ALCAM: variants seen among roughly 807,000 people sequenced by gnomAD.
The protein encoded by ALCAM is CD166 antigen.
A neutral mutation model predicts 70.9 loss-of-function variants in ALCAM; 30 were observed. The observed-to-expected ratio is 0.42, with a 90% CI of 0.32 to 0.57. ALCAM has a LOEUF of 0.57. ALCAM is among the 20% of genes least tolerant of loss of function. ALCAM has a pLI of 0.11. For synonymous variants in ALCAM, 249 were observed against 242.5 expected (o/e 1.03, Z -0.25); for missense variants, 591 against 695.1 (o/e 0.85, Z 1.68).
chr3:105,537,719 C>T (rs1469746624), intron 6 of ALCAM, among the ~76,000 whole-genome samples: 14 of 152,080 alleles, frequency 9.2e-5, no homozygotes, highest in African/African-American at 3.4e-4. Context: ...ATGATGGCTA[C>T]CAGGATCCCT....
At chr3:105,509,722 G>C (rs1217838287) in intron 1 of ALCAM, among the ~76,000 whole-genome samples, 2 of 151,774 alleles carry the variant, frequency 1.3e-5, no homozygotes, top group African/African-American at 4.8e-5. Context: ...AAGCTTTTTA[G>C]TTTAATATAG....
chr3:105,451,643 T>C (rs1937431547), intron 1 of ALCAM, among the ~76,000 whole-genome samples: 1 of 151,474 alleles, frequency 6.6e-6, no homozygotes, highest in Non-Finnish European at 1.5e-5. Flanking sequence ...TGCTAAGAGG[T>C]TCAATTTGTT....
chr3:105,509,000 G>T (rs1440484597), intron 1 of ALCAM, among the ~76,000 whole-genome samples: 3 of 152,038 alleles, frequency 2.0e-5, no homozygotes, highest in Non-Finnish European at 4.4e-5. Context: ...ATTTCAATTA[G>T]CATAATGTTC....
At position 105,387,462 on chromosome 3, in the gene ALCAM, G is replaced by A. The variant is rs572864587; in HGVS notation, c.73+19981G>A. 2.6e-5 allele frequency among the ~76,000 whole-genome samples: 4 copies of A among 151,462 alleles called. No individual in the cohort carries two copies. The South Asian group carries it at 8.3e-4, about 31-fold the overall frequency. On this transcript the variant is annotated intron_variant, in intron 1 of 15. Coordinates refer to ENST00000306107, the MANE Select transcript of ALCAM (RefSeq NM_001627.4). ...CATTGATTCTCACAGCAGAACCTGT[G>A]TGTACTTGTTCACTACATACCTACA... is the stretch of plus-strand genomic sequence containing the variant.
intron 1 of ALCAM, among the ~76,000 whole-genome samples, chr3:105,488,896 C>T (rs1938506036): frequency 1.3e-5 from 2 of 152,130 alleles, no homozygotes; most frequent in Middle Eastern, 3.2e-3. Flanking sequence ...TAGATTGAAC[C>T]TGGATGATTT....
chr3:105,449,047 A>C (rs930154707), intron 1 of ALCAM, among the ~76,000 whole-genome samples: 1 of 152,224 alleles, frequency 6.6e-6, no homozygotes, highest in Admixed American at 6.5e-5. Flanking sequence ...CTGTGAAGTG[A>C]CCATCTTCTC....
At chr3:105,431,291 T>C (rs1936926681) in intron 1 of ALCAM, among the ~76,000 whole-genome samples, 1 of 152,102 alleles carries the variant, frequency 6.6e-6, no homozygotes, top group Non-Finnish European at 1.5e-5. Context: ...CTGGGTTAAG[T>C]TTGGCTGACT....
chr3:105,431,228 G>A (rs1335398149), intron 1 of ALCAM, among the ~76,000 whole-genome samples: 1 of 151,970 alleles, frequency 6.6e-6, no homozygotes, highest in African/African-American at 2.4e-5. Context: ...AAACTCAGCA[G>A]CAGACAACAA....
At chr3:105,567,403 C>T (rs1363738243) in intron 14 of ALCAM, among the ~76,000 whole-genome samples, 1 of 151,932 alleles carries the variant, frequency 6.6e-6, no homozygotes, top group African/African-American at 2.4e-5. Context: ...TGCTCACTAT[C>T]ATCTCACAGG....
At chr3:105,454,269 T>G (rs1937501452) in intron 1 of ALCAM, among the ~76,000 whole-genome samples, 1 of 152,216 alleles carries the variant, frequency 6.6e-6, no homozygotes, top group Non-Finnish European at 1.5e-5. Flanking sequence ...TTGCACAAAA[T>G]TATCCAAAAG....
rs199668650 is a variant in ALCAM at position 105,510,056 on chromosome 3, A to G, written c.74-10011A>G. Among the ~76,000 whole-genome samples, 4 of 152,180 alleles carry G rather than the reference A, an allele frequency of 2.6e-5. No individual in the cohort carries two copies. In the East Asian group the frequency reaches 5.8e-4, roughly 22 times the overall value. On this transcript the variant is annotated intron_variant, in intron 1 of 15. Coordinates refer to ENST00000306107, the MANE Select transcript of ALCAM (RefSeq NM_001627.4). ...TGCCTAATTTCCTCCAGATGTTAGG[A>G]TCCTCTGAAAAGCAGATGTCAAAAT...
chr3:105,477,825 T>TTG (rs1434948609), intron 1 of ALCAM, among the ~76,000 whole-genome samples: 2 of 152,134 alleles, frequency 1.3e-5, no homozygotes, highest in African/African-American at 4.8e-5. Flanking sequence ...AGTTTACTGA[T>TTG]TCTTCAGTCA....
intron 1 of ALCAM, among the ~76,000 whole-genome samples, chr3:105,430,877 A>G (rs1239502531): frequency 6.6e-6 from 1 of 152,132 alleles, no homozygotes; most frequent in Non-Finnish European, 1.5e-5. Context: ...ACTCATGAAT[A>G]TGGATATTAT....
At chr3:105,471,647 G>C (rs200373472) in intron 1 of ALCAM, among the ~76,000 whole-genome samples, 1 of 147,458 alleles carries the variant, frequency 6.8e-6, no homozygotes, top group Non-Finnish European at 1.5e-5. Context: ...ACGACTTTTT[G>C]GTTTTTTTCA....
chr3:105,535,010 C>G (rs1939934481), intron 6 of ALCAM, among the ~76,000 whole-genome samples, 165 bp downstream of exon 6: 1 of 152,132 alleles, frequency 6.6e-6, no homozygotes, highest in Admixed American at 6.6e-5. Context: ...GAGACCATAG[C>G]ATGAATAAAC....
intron 14 of ALCAM, among the ~76,000 whole-genome samples, chr3:105,560,449 A>G (rs918226206): frequency 2.0e-5 from 3 of 152,156 alleles, no homozygotes. Flanking sequence ...TTTGACATAT[A>G]TAGATATATT....
At chr3:105,453,981 ATGTT>A (rs879518764) in intron 1 of ALCAM, among the ~76,000 whole-genome samples, 1 of 152,134 alleles carries the variant, frequency 6.6e-6, no homozygotes, top group African/African-American at 2.4e-5. Flanking sequence ...CAAATTCTAT[ATGTT>A]TATTATTTTA....
chr3:105,462,289 C>G (rs1174106768), intron 1 of ALCAM, among the ~76,000 whole-genome samples: 1 of 151,334 alleles, frequency 6.6e-6, no homozygotes, highest in East Asian at 1.9e-4. Flanking sequence ...CTCTTATGCC[C>G]TTTGATAAGG....
At chr3:105,571,820 A>C in intron 14 of ALCAM, 32 bp from the exon 15 acceptor site, 1 of 1,439,084 alleles carries the variant, frequency 6.9e-7, no homozygotes, top group Middle Eastern at 1.8e-4. Flanking sequence ...TGTATGTGTC[A>C]ATATGATGAA....
Sources: gnomAD v4.1 joint callset for allele counts (sites outside exome capture counted in the v4.1 genomes callset) on GRCh38, gnomAD v4.1.1 for gene constraint, MANE v1.5 for transcripts, NCBI Gene and HGNC (gene_info 2026-07-23, HGNC 2026-07-21) for gene names.